The following PRDM16 variants were observed in gnomAD, a reference collection of about 807,000 sequenced individuals.
The protein encoded by PRDM16 is PR/SET domain 16.
Under a neutral mutation model 110.6 loss-of-function variants are expected in PRDM16, and 23 were observed. The observed-to-expected ratio is 0.21, with a 90% CI of 0.15 to 0.29. PRDM16 has a LOEUF of 0.29. Ranked by LOEUF, PRDM16 falls within the 10% of genes least tolerant of loss-of-function variation. The pLI is 1.00. For missense variants in PRDM16, 1,615 were observed against 1,794.3 expected, an observed-to-expected ratio of 0.90 and a Z score of 1.81; for synonymous variants, 799 against 781.8, an observed-to-expected ratio of 1.02 and a Z score of -0.37.
At chr1:3,203,495 C>T (rs987059990) in intron 2 of PRDM16, among the ~76,000 whole-genome samples, 1 of 152,146 alleles carries the variant, frequency 6.6e-6, no homozygotes, top group Non-Finnish European at 1.5e-5. Flanking sequence ...TATGAGATGG[C>T]AGGTCCGGAG....
chr1:3,412,953 G>A (rs574788190), intron 9 of PRDM16, among the ~76,000 whole-genome samples, 153 bp downstream of exon 9: 1 of 152,318 alleles, frequency 6.6e-6, no homozygotes, highest in African/African-American at 2.4e-5. Flanking sequence ...TCTTGGGGGG[G>A]TCTGCACCCC....
At chr1:3,294,140 C>T (rs147390102) in intron 3 of PRDM16, among the ~76,000 whole-genome samples, 65 of 151,338 alleles carry the variant, frequency 4.3e-4, no homozygotes, top group African/African-American at 1.5e-3. Context: ...ACCAGGTAAA[C>T]AGGCGAAACC....
chr1:3,326,562 G>T (rs1641914366), intron 3 of PRDM16, among the ~76,000 whole-genome samples: 1 of 152,098 alleles, frequency 6.6e-6, no homozygotes, highest in South Asian at 2.1e-4. Context: ...TGGCAGAGGT[G>T]ACCCATCCCC....
In PRDM16 at chr1:3,251,520, T is replaced by C. The variant is rs187286502; in HGVS notation, c.438+7383T>C. On this transcript the variant is annotated intron_variant, in intron 3 of 16. Coordinates refer to ENST00000270722, the MANE Select transcript of PRDM16 (RefSeq NM_022114.4). ...GGTAGGGGGCCCCTGGGCAGACACC[T>C]GCCTCTGAAGTGGTATCATGGCACC... Among the ~76,000 whole-genome samples, 181 of 152,266 alleles carry C rather than the reference T, an allele frequency of 1.2e-3. 1 individual carries two copies. The highest frequency in any genetic ancestry group is 2.0e-3 in the Non-Finnish European group (135 of 68,004).
intron 2 of PRDM16, among the ~76,000 whole-genome samples, chr1:3,237,337 C>T (rs1015034373): frequency 2.0e-5 from 3 of 152,098 alleles, no homozygotes; most frequent in Non-Finnish European, 2.9e-5. Flanking sequence ...GCCTCACTCC[C>T]AGCCCCATCA....
intron 2 of PRDM16, among the ~76,000 whole-genome samples, chr1:3,198,208 C>T (rs1325173930): frequency 6.6e-6 from 1 of 152,174 alleles, no homozygotes; most frequent in Non-Finnish European, 1.5e-5. Context: ...GGCTGGGTTG[C>T]TGTGGTTGAA....
At chr1:3,324,336 C>T (rs541544744) in intron 3 of PRDM16, among the ~76,000 whole-genome samples, 4 of 152,156 alleles carry the variant, frequency 2.6e-5, no homozygotes, top group Admixed American at 1.3e-4. Context: ...GCCACCCTGC[C>T]CCGCCTGCCA....
Position 3,425,737 on chromosome 1 carries a change from C to G in PRDM16, c.3096C>G (p.His1032Gln). Residue 1032 changes from histidine to glutamine, a missense_variant, in exon 13 of 17, where the codon CAC becomes CAG. This residue lies in a region of PRDM16 where 327 missense variants were observed against 359.3 expected (regional missense o/e 0.91). Transcript: ENST00000270722. The surrounding 1 kb of genome is among the most constrained non-coding windows in gnomAD (Gnocchi z 6.9). ...NLDRHLKKHE[H>Q]ENAPVSQHPG... The stretch of plus-strand genomic sequence containing the variant: ...ACCGGCACCTCAAGAAGCACGAGCA[C>G]GAGAACGCACCAGGTGGGCCACGCG... The G allele has an allele frequency of 6.2e-7, 1 of 1,613,600 alleles. No homozygotes were observed. The highest frequency in any genetic ancestry group is 1.1e-5 in the South Asian group (1 of 91,076).
intron 2 of PRDM16, among the ~76,000 whole-genome samples, chr1:3,211,927 G>A (rs1361099559): frequency 4.6e-5 from 7 of 152,318 alleles, no homozygotes; most frequent in South Asian, 2.1e-4. Flanking sequence ...GTAAAGGCTC[G>A]CTGCAGTGGG....
At chr1:3,226,676 C>T (rs1008373243) in intron 2 of PRDM16, among the ~76,000 whole-genome samples, 4 of 152,184 alleles carry the variant, frequency 2.6e-5, no homozygotes, top group African/African-American at 9.7e-5. Flanking sequence ...TTTCCCCTTC[C>T]TGACGTTGAA....
chr1:3,375,937 T>C (rs1642983041), intron 3 of PRDM16, among the ~76,000 whole-genome samples: 1 of 152,076 alleles, frequency 6.6e-6, no homozygotes, highest in Admixed American at 6.5e-5. Context: ...AAGGGGAAAC[T>C]CCACAGCAGA....
intron 3 of PRDM16, among the ~76,000 whole-genome samples, chr1:3,328,597 C>T (rs1641972733): frequency 6.6e-6 from 1 of 152,108 alleles, no homozygotes; most frequent in Admixed American, 6.5e-5. Flanking sequence ...GGATGCGGCT[C>T]CCATCAGAGG....
At position 3,332,387 on chromosome 1, in the gene PRDM16, G is replaced by T. The variant is rs191060102; in HGVS notation, c.439-52765G>T. Among the ~76,000 whole-genome samples the T allele has an allele frequency of 4.1e-3, 628 of 152,078 alleles. 9 individuals carry two copies. The highest frequency in any genetic ancestry group is 0.014 in the African/African-American group (599 of 41,482). On this transcript the variant is annotated intron_variant, in intron 3 of 16. Transcript: ENST00000270722. Reference sequence around the variant, plus strand: ...CCCAGGCCTCTAATGTCGGGGTGGTGTGGGCAGTGGGGGGCTCGGGGCTGG... The same window carrying T: ...CCCAGGCCTCTAATGTCGGGGTGGTTTGGGCAGTGGGGGGCTCGGGGCTGG...
At chr1:3,385,333 C>G in intron 4 of PRDM16, 47 bp downstream of exon 4, 1 of 1,600,538 alleles carries the variant, frequency 6.2e-7, no homozygotes. Context: ...GGAATTGTCC[C>G]TGAGGATGTG....
At chr1:3,416,718 C>T (rs1315382206) in intron 10 of PRDM16, among the ~76,000 whole-genome samples, 4 of 152,224 alleles carry the variant, frequency 2.6e-5, no homozygotes, top group Non-Finnish European at 5.9e-5. Flanking sequence ...GCAAAGGTGT[C>T]TGGAGGGCCC....
At chr1:3,424,596 G>T (rs987384856) in intron 12 of PRDM16, among the ~76,000 whole-genome samples, 4 of 152,272 alleles carry the variant, frequency 2.6e-5, no homozygotes, top group Non-Finnish European at 4.4e-5. Flanking sequence ...GATAAACCGA[G>T]CCCGGGAGCT....
intron 1 of PRDM16, among the ~76,000 whole-genome samples, chr1:3,112,706 G>A (rs1170132977): frequency 3.3e-5 from 5 of 152,230 alleles, no homozygotes; most frequent in Non-Finnish European, 7.3e-5. Flanking sequence ...ACCACCCCCT[G>A]CAGCCGGGCA....
intron 12 of PRDM16, among the ~76,000 whole-genome samples, chr1:3,423,826 T>C (rs571208803): frequency 6.6e-6 from 1 of 152,378 alleles, no homozygotes; most frequent in Non-Finnish European, 1.5e-5. Context: ...GGGTAGACTT[T>C]CTGTGTGCTG....
At chr1:3,409,791 TGGGTGTGTGTGGTGTATGTGTGC>T (rs1643642037) in intron 8 of PRDM16, among the ~76,000 whole-genome samples, 2 of 135,334 alleles carry the variant, frequency 1.5e-5, no homozygotes, top group Admixed American at 7.3e-5. Context: ...GTGTGTGGTG[TGGGTGTGTGTGGTGTATGTGTGC>T]ATGTGTGTGG....
Sources: allele counts gnomAD v4.1 joint callset (sites outside exome capture counted in the v4.1 genomes callset), GRCh38; gene constraint gnomAD v4.1.1; regional missense constraint gnomAD v4.1.1; non-coding constraint Gnocchi (gnomAD v3.1); transcripts MANE v1.5; gene names NCBI Gene and HGNC (gene_info 2026-07-23, HGNC 2026-07-21).